Variants in LRFN2 observed in about 807,000 individuals in gnomAD.
The protein encoded by LRFN2 is leucine-rich repeat and fibronectin type-III domain-containing protein 2.
LRFN2 carries 18 observed loss-of-function variants against 37.3 expected under a neutral mutation model. The ratio of observed to expected loss-of-function variants is 0.48; its 90% CI spans 0.33 to 0.72. The LOEUF (loss-of-function observed/expected upper bound fraction) is 0.72, where lower values mean the gene tolerates loss of function less well. LRFN2 is among the 30% of genes least tolerant of loss of function. The probability of loss-of-function intolerance (pLI) is 0.02; values close to 1 mark genes in which losing one functional copy is unlikely to be tolerated. For synonymous variants in LRFN2, 556 were observed against 466.6 expected, an observed-to-expected ratio of 1.19 and a Z score of -2.47; for missense variants, 1,006 against 1,060.7, an observed-to-expected ratio of 0.95 and a Z score of 0.72.
At chr6:40,435,731 G>A (rs546448685) in intron 1 of LRFN2, among the ~76,000 whole-genome samples, 2 of 152,114 alleles carry the variant, frequency 1.3e-5, no homozygotes, top group African/African-American at 2.4e-5. Flanking sequence ...GTAGAGACAG[G>A]GTTTCACTGT....
rs1469511217 is a variant in LRFN2 at position 40,515,545 on chromosome 6, C to T, written c.-19+71396G>A. Among the ~76,000 whole-genome samples the T allele has an allele frequency of 3.3e-5, 5 of 152,142 alleles. No homozygotes were observed. In the East Asian group the frequency reaches 7.7e-4, roughly 23 times the overall value. On this transcript the variant is annotated intron_variant, in intron 1 of 2. Transcript: ENST00000338305. ...TGTCACATCAAAGCCACTCTACCTG[C>T]CCACATGGTAGGTCAAAGCTGCCAG... is the stretch of plus-strand genomic sequence containing the variant.
chr6:40,415,482 T>C lies in LRFN2; in HGVS notation c.1400+16232A>G, dbSNP rs556051194. Among the ~76,000 whole-genome samples the C allele has an allele frequency of 3.9e-5, 6 of 152,264 alleles. No individual in the cohort carries two copies. The East Asian group carries it at 1.2e-3, about 30-fold the overall frequency. On this transcript the variant is annotated intron_variant, in intron 2 of 2. Coordinates refer to ENST00000338305, the MANE Select transcript of LRFN2 (RefSeq NM_020737.3). ...CTCAGGTGATCCACCCACCTCGACCTCCCAAAATGCTGGGATTACAGGCAT... is the reference window on the plus strand; with the variant it reads ...CTCAGGTGATCCACCCACCTCGACCCCCCAAAATGCTGGGATTACAGGCAT...
intron 1 of LRFN2, among the ~76,000 whole-genome samples, chr6:40,522,049 G>A (rs192175843): frequency 3.3e-5 from 5 of 152,286 alleles, no homozygotes; most frequent in Non-Finnish European, 5.9e-5. Flanking sequence ...CTATGGTGCT[G>A]CTCAGCCAGA....
intron 2 of LRFN2, 106 bp from the exon 3 acceptor site, chr6:40,393,018 A>AGG: frequency 2.3e-6 from 1 of 426,266 alleles, no homozygotes; most frequent in Non-Finnish European, 3.7e-6. Flanking sequence ...GGGGAGGGGG[A>AGG]GGGGAGGGAG....
chr6:40,428,826 CTTTTTTCTCAAAAA>C (rs1257807811), intron 2 of LRFN2, among the ~76,000 whole-genome samples: 4 of 152,142 alleles, frequency 2.6e-5, no homozygotes, highest in Admixed American at 1.3e-4. Context: ...TCAACGCTTA[CTTTTTTCTCAAAAA>C]TTTTGGAAAT....
chr6:40,422,887 AC>A (rs1763262197), intron 2 of LRFN2, among the ~76,000 whole-genome samples: 1 of 152,192 alleles, frequency 6.6e-6, no homozygotes, highest in Admixed American at 6.5e-5. Flanking sequence ...AAAGAGGGAG[AC>A]TGGATACTGT....
At chr6:40,469,297 G>A (rs1764543089) in intron 1 of LRFN2, among the ~76,000 whole-genome samples, 1 of 152,166 alleles carries the variant, frequency 6.6e-6, no homozygotes, top group Admixed American at 6.5e-5. Context: ...CAGACTTCAG[G>A]CCCTCAGGAC....
At chr6:40,452,217 G>T (rs1466716009) in intron 1 of LRFN2, among the ~76,000 whole-genome samples, 1 of 140,574 alleles carries the variant, frequency 7.1e-6, no homozygotes, top group Non-Finnish European at 1.6e-5. Flanking sequence ...ATGTGACAAT[G>T]CATGTCAGAG....
At chr6:40,439,090 C>G (rs4714345) in intron 1 of LRFN2, among the ~76,000 whole-genome samples, 25,367 of 152,018 alleles carry the variant, frequency 0.17, 2,628 homozygotes, top group East Asian at 0.3. Context: ...GCCTCCCAAT[C>G]AGAACCACCT....
At chr6:40,510,986 G>A (rs1454338792) in intron 1 of LRFN2, among the ~76,000 whole-genome samples, 1 of 152,190 alleles carries the variant, frequency 6.6e-6, no homozygotes, top group Non-Finnish European at 1.5e-5. Flanking sequence ...AAGAAGAAAG[G>A]ATAGAGCCAG....
At chr6:40,580,369 G>A (rs1174224267) in intron 1 of LRFN2, among the ~76,000 whole-genome samples, 1 of 152,148 alleles carries the variant, frequency 6.6e-6, no homozygotes, top group Non-Finnish European at 1.5e-5. Flanking sequence ...GAGAAGGATA[G>A]AGGATCTGGT....
chr6:40,451,506 G>A (rs9369204), intron 1 of LRFN2, among the ~76,000 whole-genome samples: 5 of 152,062 alleles, frequency 3.3e-5, no homozygotes, highest in African/African-American at 1.2e-4. Flanking sequence ...TCCCCTGGGG[G>A]AAGCAGCATC....
At chr6:40,416,932 T>A (rs950647168) in intron 2 of LRFN2, among the ~76,000 whole-genome samples, 19 of 152,248 alleles carry the variant, frequency 1.2e-4, no homozygotes, top group Admixed American at 1.1e-3. Flanking sequence ...CTTAGGCCTG[T>A]TCTAGTCAGG....
At chr6:40,410,999 TA>T (rs1762953627) in intron 2 of LRFN2, among the ~76,000 whole-genome samples, 2 of 152,212 alleles carry the variant, frequency 1.3e-5, no homozygotes, top group African/African-American at 4.8e-5. Context: ...ACAGAGCCAT[TA>T]ATTGCACACC....
At chr6:40,578,033 G>A (rs943765038) in intron 1 of LRFN2, among the ~76,000 whole-genome samples, 12 of 151,924 alleles carry the variant, frequency 7.9e-5, no homozygotes, top group Admixed American at 2.0e-4. Context: ...GCACAGCCCC[G>A]CCCTCACATA....
intron 1 of LRFN2, among the ~76,000 whole-genome samples, chr6:40,534,257 C>T (rs1345395926): frequency 1.3e-5 from 2 of 152,128 alleles, no homozygotes; most frequent in African/African-American, 2.4e-5. Flanking sequence ...GAGATGGGCT[C>T]AATGAACTAG....
chr6:40,426,152 A>G (rs1358470348), intron 2 of LRFN2, among the ~76,000 whole-genome samples: 5 of 152,228 alleles, frequency 3.3e-5, no homozygotes, highest in Non-Finnish European at 7.3e-5. Flanking sequence ...TAGTAAAAGT[A>G]GGTGAATTTA....
rs547567936 is a variant in LRFN2, at chr6:40,461,251, T to TA, written c.-18-28121dup. Among the ~76,000 whole-genome samples, 10 of 151,664 alleles carry TA rather than the reference T, an allele frequency of 6.6e-5. 1 individual carries two copies. In the East Asian group the frequency reaches 2.0e-3, roughly 30 times the overall value. ...GCAAGGATTAGTCTCTACAAAAAAATAAAAAACATTAGTCGGGCATGGTAG... is the reference window on the plus strand; with the variant it reads ...GCAAGGATTAGTCTCTACAAAAAAATAAAAAAACATTAGTCGGGCATGGTAG... On this transcript the variant is annotated intron_variant, in intron 1 of 2. Coordinates refer to ENST00000338305, the MANE Select transcript of LRFN2 (RefSeq NM_020737.3).
At chr6:40,468,109 T>A (rs1354304254) in intron 1 of LRFN2, among the ~76,000 whole-genome samples, 1 of 152,152 alleles carries the variant, frequency 6.6e-6, no homozygotes, top group Non-Finnish European at 1.5e-5. Flanking sequence ...ACTTGGTTAT[T>A]GGGCACCTGC....
Sources: allele counts gnomAD v4.1 joint callset (sites outside exome capture counted in the v4.1 genomes callset), GRCh38; gene constraint gnomAD v4.1.1; transcripts MANE v1.5; gene names NCBI Gene and HGNC (gene_info 2026-07-23, HGNC 2026-07-21).